The following LRCH3 variants were observed in gnomAD, a reference collection of about 807,000 sequenced individuals.
LRCH3 encodes leucine rich repeats and calponin homology domain containing 3.
Under a neutral mutation model 104.5 loss-of-function variants are expected in LRCH3, and 68 were observed. The observed-to-expected ratio is 0.65, with a 90% CI of 0.54 to 0.80. The LOEUF is 0.80. LRCH3 is among the 30% of genes least tolerant of loss of function. The pLI, the probability that LRCH3 is intolerant of heterozygous loss-of-function variation, is 0.00. For synonymous variants in LRCH3, 344 were observed against 361.3 expected (o/e 0.95, Z 0.54); for missense variants, 951 against 953.9 (o/e 1.00, Z 0.04).
At chr3:197,855,815 C>A (rs1360460613) in intron 14 of LRCH3, among the ~76,000 whole-genome samples, 3 of 152,208 alleles carry the variant, frequency 2.0e-5, no homozygotes, top group Non-Finnish European at 2.9e-5. Context: ...CATATCTGAT[C>A]CTCCAAATTA....
intron 8 of LRCH3, among the ~76,000 whole-genome samples, chr3:197,834,762 A>G (rs1736454787): frequency 6.6e-6 from 1 of 152,240 alleles, no homozygotes; most frequent in Non-Finnish European, 1.5e-5. Context: ...CTCTATTTCA[A>G]TAATTATCAT....
rs59223983 is a variant in LRCH3 at position 197,866,030 on chromosome 3, TA to T, written c.1766-81del. The T allele has an allele frequency of 0.011, 10,474 of 985,030 alleles. 602 individuals carry two copies. In the African/African-American group the frequency reaches 0.13, roughly 12 times the overall value. 61.0% of individuals were successfully genotyped at this position (985,030 alleles called of 1,614,324 possible). A position where few individuals can be genotyped will look rare whatever the true frequency, so the allele number is the denominator to read the frequency against. ...TTATATCATTGCCATGTTTATTTTT[TA>T]CTTGTTACTTTTGTAACTTGTATGT... is the stretch of plus-strand genomic sequence containing the variant. On this transcript the variant is annotated intron_variant, in intron 16 of 20. Coordinates refer to ENST00000425562, the MANE Select transcript of LRCH3 (RefSeq NM_001365715.1).
rs1225534755 is a variant in LRCH3 at position 197,866,114 on chromosome 3, C to T, written c.1768C>T (p.His590Tyr). Residue 590 changes from histidine to tyrosine, a missense_variant and splice_region_variant, in exon 17 of 21, where the codon CAT becomes TAT. Coordinates refer to ENST00000425562, the MANE Select transcript of LRCH3 (RefSeq NM_001365715.1). ...TTTTATTTTTCATGCTAATTTAGTT[C>T]ATCATTCCCCTGCATATTCTTTTCC... ...LLSSPATETVHHSPAYSFPAA... is the reference protein window; with the variant it reads ...LLSSPATETVYHSPAYSFPAA... 1 of 1,607,290 alleles carries T rather than the reference C, an allele frequency of 6.2e-7. No individual in the cohort carries two copies. The highest frequency in any genetic ancestry group is 2.2e-5 in the East Asian group (1 of 44,818).
rs1248849376 is a variant in LRCH3, at chr3:197,810,575, C to T, written c.263-4333C>T. On this transcript the variant is annotated intron_variant, in intron 1 of 20. Coordinates refer to ENST00000425562, the MANE Select transcript of LRCH3 (RefSeq NM_001365715.1). This position sits in a 1 kb window ranked among gnomAD's most constrained non-coding sequence, Gnocchi z 4.0. ...GAGGTTCCTAGCCATCTTCTCTCAACCTTTTATCTGTTTTATGTATATTAT... is the reference window on the plus strand; with the variant it reads ...GAGGTTCCTAGCCATCTTCTCTCAATCTTTTATCTGTTTTATGTATATTAT... Among the ~76,000 whole-genome samples the T allele has an allele frequency of 6.6e-6, 1 of 152,012 alleles. No homozygotes were observed. The highest frequency in any genetic ancestry group is 2.4e-5 in the African/African-American group (1 of 41,406).
chr3:197,832,420 T>G (rs560159129), intron 8 of LRCH3, 103 bp downstream of exon 8: 1 of 1,136,308 alleles, frequency 8.8e-7, no homozygotes. Context: ...TATAGCTTCT[T>G]CACTCTTCTT....
intron 20 of LRCH3, among the ~76,000 whole-genome samples, chr3:197,879,570 CG>C (rs1347475493): frequency 6.6e-6 from 1 of 151,678 alleles, no homozygotes; most frequent in Non-Finnish European, 1.5e-5. Flanking sequence ...GGCGGGAACC[CG>C]GGAGGCGGAG....
chr3:197,855,156 G>A (rs1740081405), intron 14 of LRCH3, among the ~76,000 whole-genome samples: 1 of 152,202 alleles, frequency 6.6e-6, no homozygotes, highest in Non-Finnish European at 1.5e-5. Context: ...GCTAGTAACT[G>A]CTGCCAGGGT....
intron 20 of LRCH3, among the ~76,000 whole-genome samples, chr3:197,877,798 T>C (rs1713075433): frequency 6.6e-6 from 1 of 152,100 alleles, no homozygotes; most frequent in Non-Finnish European, 1.5e-5. Context: ...TATACAAGAA[T>C]GGAAATTTAC....
At chr3:197,852,227 T>C (rs927887073) in intron 12 of LRCH3, 5 of 211,394 alleles carry the variant, frequency 2.4e-5, no homozygotes, top group Non-Finnish European at 4.8e-5. Context: ...GGTTTCCAAG[T>C]AGAGAGTTTC....
intron 2 of LRCH3, 88 bp downstream of exon 2, chr3:197,815,140 A>T: frequency 1.3e-6 from 1 of 745,382 alleles, no homozygotes; most frequent in Non-Finnish European, 2.1e-6. Flanking sequence ...ACCTATATAT[A>T]TGCTATCTAT....
At chr3:197,835,497 T>TAAAAAAAAAAAAAAAA (rs79382131) in intron 8 of LRCH3, among the ~76,000 whole-genome samples, 177 bp from the exon 9 acceptor site, 1 of 135,100 alleles carries the variant, frequency 7.4e-6, no homozygotes, top group Non-Finnish European at 1.6e-5. Context: ...ATAAAATGGG[T>TAAAAAAAAAAAAAAAA]AAAAAAAAAA....
chr3:197,864,114 C>G (rs1273567774), intron 15 of LRCH3, among the ~76,000 whole-genome samples: 1 of 150,002 alleles, frequency 6.7e-6, no homozygotes, highest in Non-Finnish European at 1.5e-5. Context: ...TGAGACCAGC[C>G]TGACCAACAT....
intron 10 of LRCH3, among the ~76,000 whole-genome samples, chr3:197,843,967 GC>G: frequency 6.6e-6 from 1 of 152,302 alleles, no homozygotes; most frequent in Non-Finnish European, 1.5e-5. Flanking sequence ...ACTGCTAGGT[GC>G]TATGAAGAAA....
intron 10 of LRCH3, among the ~76,000 whole-genome samples, chr3:197,843,844 A>G (rs1029522445): frequency 1.6e-4 from 24 of 152,204 alleles, no homozygotes; most frequent in African/African-American, 5.5e-4. Flanking sequence ...TCATTCATTC[A>G]AGCAATATTT....
rs1420111836 is a variant in LRCH3, at chr3:197,858,841, C to G, written c.1652C>G (p.Ser551Ter). 1 of 1,613,330 alleles carries G rather than the reference C, an allele frequency of 6.2e-7. No individual in the cohort carries two copies. Among genetic ancestry groups the G allele is most frequent in the Non-Finnish European group, 8.5e-7 (1 of 1,179,418 alleles). ...TDDSALCMSL[S>*]GLNQVGCAAT... The stretch of plus-strand genomic sequence containing the variant: ...TTCTCATTTGAAATGTAGTCGCTGT[C>G]AGGGTTGAATCAAGTGGGCTGTGCT... Residue 551 changes from serine (S) to a stop codon, truncating the protein, a stop_gained, in exon 15 of 21, where the codon TCA (serine) becomes TGA (stop). Coordinates refer to ENST00000425562, the MANE Select transcript of LRCH3 (RefSeq NM_001365715.1). LOFTEE classifies it high-confidence loss of function.
At chr3:197,869,631 G>A (rs1468304814) in intron 17 of LRCH3, among the ~76,000 whole-genome samples, 2 of 127,386 alleles carry the variant, frequency 1.6e-5, no homozygotes, top group African/African-American at 7.1e-5. Context: ...ACCTGCAGGA[G>A]GTAGAAAGCC....
intron 1 of LRCH3, among the ~76,000 whole-genome samples, chr3:197,794,950 A>G (rs1019075644): frequency 6.6e-5 from 10 of 152,028 alleles, no homozygotes; most frequent in Non-Finnish European, 1.3e-4. Context: ...GGTTGCAGTG[A>G]GCTGAGATTG....
In LRCH3 at chr3:197,866,191, A is replaced by G. The variant is rs1280401551; in HGVS notation, c.1845A>G (p.Arg615=). Residue 615 remains arginine, a synonymous_variant, in exon 17 of 21, where the codon CGA becomes CGG. Coordinates refer to ENST00000425562, the MANE Select transcript of LRCH3 (RefSeq NM_001365715.1). The part of the protein sequence containing the change: ...QPQRPESFLF[R]AGVRAETNKG... Reference sequence around the variant, plus strand: ...AGCGCCCTGAAAGCTTCCTTTTCCGAGCAGGTGTCAGGGCAGAAACCAACA... The same window carrying G: ...AGCGCCCTGAAAGCTTCCTTTTCCGGGCAGGTGTCAGGGCAGAAACCAACA... 3.1e-6 allele frequency: 5 copies of G among 1,613,898 alleles called. No homozygotes were observed. Among genetic ancestry groups the G allele is most frequent in the Non-Finnish European group, 4.2e-6 (5 of 1,179,936 alleles).
intron 9 of LRCH3, among the ~76,000 whole-genome samples, chr3:197,838,867 G>A (rs184294657): frequency 1.3e-5 from 2 of 152,256 alleles, no homozygotes; most frequent in Non-Finnish European, 2.9e-5. Context: ...ACAATTTGTT[G>A]TGATGGATAA....
Sources: allele counts gnomAD v4.1 joint callset (sites outside exome capture counted in the v4.1 genomes callset), GRCh38; gene constraint gnomAD v4.1.1; non-coding constraint Gnocchi (gnomAD v3.1); transcripts MANE v1.5; gene names NCBI Gene and HGNC (gene_info 2026-07-23, HGNC 2026-07-21).